Variants in SPCS1 observed in about 807,000 individuals in gnomAD.
The protein encoded by SPCS1 is signal peptidase complex subunit 1.
SPCS1 carries 10 observed loss-of-function variants against 16.4 expected under a neutral mutation model. The observed-to-expected ratio is 0.61, with a 90% confidence interval of 0.38 to 1.03. SPCS1 has a LOEUF of 1.03. Among genes scored for constraint, SPCS1 ranks in the 50% least tolerant of loss-of-function variants. SPCS1 has a pLI of 0.01. For missense variants in SPCS1, 118 were observed against 123.8 expected (o/e 0.95, Z 0.22); for synonymous variants, 47 against 42.5 (o/e 1.10, Z -0.41).
intron 1 of SPCS1, 153 bp from the exon 2 acceptor site, chr3:52,706,491 G>T (rs887289234): frequency 1.2e-6 from 1 of 857,226 alleles, no homozygotes; most frequent in South Asian, 1.7e-5. Context: ...AGTTCCTCCC[G>T]GGAAGCCCAG....
rs1166636961 is a variant in SPCS1 at position 52,711,087 on chromosome 3, A to G, written c.*3275A>G. The G allele has an allele frequency of 1.3e-5, 2 of 152,658 alleles. No individual in the cohort carries two copies. The highest frequency in any genetic ancestry group is 2.9e-5 in the Non-Finnish European group (2 of 68,040). 9.5% of individuals were successfully genotyped at this position (152,658 alleles called of 1,614,324 possible). On this transcript the variant is annotated 3_prime_UTR_variant, in exon 4 of 4. Transcript: ENST00000619898. ...AAATTTGTGTTTAAGAAATGTTTTCACTGATGGAAAAATAAATCTAACAAA... is the reference window on the plus strand; with the variant it reads ...AAATTTGTGTTTAAGAAATGTTTTCGCTGATGGAAAAATAAATCTAACAAA...
Position 52,708,040 on chromosome 3 carries a change from A to C in SPCS1, c.*228A>C, listed in dbSNP as rs2097346417. On this transcript the variant is annotated 3_prime_UTR_variant, in exon 4 of 4. Transcript: ENST00000619898. ...ATGGGGAACAGAACACACAAGTATG[A>C]AGTTTCTTTCAGGTGTAAATAATGA... 1.0e-5 allele frequency: 4 copies of C among 385,034 alleles called. No individual in the cohort carries two copies. In the Admixed American group the frequency reaches 1.6e-4, roughly 15 times the overall value. The allele number at this position is 385,034 out of a possible 1,614,324, so 23.9% of individuals were successfully genotyped here. A position where few individuals can be genotyped will look rare whatever the true frequency, so the allele number is the denominator to read the frequency against.
At chr3:52,706,396 C>G in intron 1 of SPCS1, 114 bp downstream of exon 1, 1 of 1,184,006 alleles carries the variant, frequency 8.4e-7, no homozygotes, top group Admixed American at 2.6e-5. Context: ...TGGTTACCGT[C>G]CACCCTCTTT....
At position 52,706,152 on chromosome 3, in the gene SPCS1, A is replaced by G. The variant is rs981415507; in HGVS notation, c.-95A>G. 6.5e-7 allele frequency: 1 copy of G among 1,543,018 alleles called. No individual in the cohort carries two copies. Among genetic ancestry groups the G allele is most frequent in the Non-Finnish European group, 8.7e-7 (1 of 1,147,992 alleles). On this transcript the variant is annotated 5_prime_UTR_variant, in exon 1 of 4. Transcript: ENST00000619898. Reference sequence around the variant, plus strand: ...TTAGAAGGCCCGGCTACTGACGCGCAGTGCCAGACCTTACCCCTCACGGTC... The same window carrying G: ...TTAGAAGGCCCGGCTACTGACGCGCGGTGCCAGACCTTACCCCTCACGGTC...
chr3:52,707,749 A>T lies in SPCS1; in HGVS notation c.246A>T (p.Glu82Asp). The change falls in exon 4 of 4, where the codon GAA becomes GAT. Residue 82 changes from glutamate (E) to aspartate (D), a missense_variant. Glu to Asp is a conservative substitution (Grantham distance 45, BLOSUM62 2). Transcript: ENST00000619898. ...RHPLKWLPVQ[E>D]SSTDDKKPGE... is the part of the protein sequence containing the mutation. Reference sequence around the variant, plus strand: ...CTCTCAAGTGGTTACCTGTTCAAGAATCAAGCACAGACGACAAGAAACCAG... The same window carrying T: ...CTCTCAAGTGGTTACCTGTTCAAGATTCAAGCACAGACGACAAGAAACCAG... 6.2e-7 allele frequency: 1 copy of T among 1,614,172 alleles called. No homozygotes were observed. Among genetic ancestry groups the T allele is most frequent in the Non-Finnish European group, 8.5e-7 (1 of 1,180,030 alleles).
At chr3:52,707,162 A>G in intron 3 of SPCS1, 1 of 283,176 alleles carries the variant, frequency 3.5e-6, no homozygotes, top group Non-Finnish European at 6.6e-6. Flanking sequence ...TTCACCTTTT[A>G]TTTATTTATT....
chr3:52,706,794 T>C lies in SPCS1; in HGVS notation c.98T>C (p.Ile33Thr). Residue 33 changes from isoleucine (I) to threonine (T), a missense_variant and splice_region_variant, in exon 3 of 4, where the codon ATA becomes ACA. By Grantham distance (89) the Ile-to-Thr change is moderately conservative. Transcript: ENST00000619898. The part of the protein sequence containing the change: ...MFQGIILFSA[I>T]VGFIYGYVAE... ...TTAATATACTTCATTTGTCTCTAGA[T>C]AGTTGGATTTATCTACGGGTACGTG... The C allele has an allele frequency of 6.2e-7, 1 of 1,613,476 alleles. No homozygotes were observed. The highest frequency in any genetic ancestry group is 8.5e-7 in the Non-Finnish European group (1 of 1,179,382).
rs993174691 is a variant in SPCS1, at chr3:52,710,201, A to G, written c.*2389A>G. The G allele has an allele frequency of 7.7e-6, 1 of 129,988 alleles. No homozygotes were observed. Among genetic ancestry groups the G allele is most frequent in the African/African-American group, 2.5e-5 (1 of 39,246 alleles). The allele number at this position is 129,988 out of a possible 1,614,324, so 8.1% of individuals were successfully genotyped here. A position where few individuals can be genotyped will look rare whatever the true frequency, so the allele number is the denominator to read the frequency against. ...CACGGTGAAACCCTGTCTCTACTAA[A>G]AAAATACAAAAAAATTAGCCGGGCA... is the stretch of plus-strand genomic sequence containing the variant. On this transcript the variant is annotated 3_prime_UTR_variant, in exon 4 of 4. Transcript: ENST00000619898.
chr3:52,708,353 T>TAATA lies in SPCS1; in HGVS notation c.*542_*545dup, dbSNP rs748576364. ...TTTGAGACATTTCATGGTATGTAATTAATAGTTGTCATTAGAACATTAGTT... is the reference window on the plus strand; with the variant it reads ...TTTGAGACATTTCATGGTATGTAATTAATAAATAGTTGTCATTAGAACATTAGTT... On this transcript the variant is annotated 3_prime_UTR_variant, in exon 4 of 4. Transcript: ENST00000619898. 6.5e-6 allele frequency: 1 copy of TAATA among 153,880 alleles called. No homozygotes were observed. The highest frequency in any genetic ancestry group is 1.4e-5 in the Non-Finnish European group (1 of 69,186). The allele number at this position is 153,880 out of a possible 1,614,324, so 9.5% of individuals were successfully genotyped here.
At position 52,710,384 on chromosome 3, in the gene SPCS1, T is replaced by C. The variant is rs2097349224; in HGVS notation, c.*2572T>C. Reference sequence around the variant, plus strand: ...TGTCTTAAAAAAAAAAAAAAATTGTTAAGTGGCTGTAAAGGGAACATTTCA... The same window carrying C: ...TGTCTTAAAAAAAAAAAAAAATTGTCAAGTGGCTGTAAAGGGAACATTTCA... On this transcript the variant is annotated 3_prime_UTR_variant, in exon 4 of 4. Transcript: ENST00000619898. 1 of 149,008 alleles carries C rather than the reference T, an allele frequency of 6.7e-6. No homozygotes were observed. Among genetic ancestry groups the C allele is most frequent in the Non-Finnish European group, 1.5e-5 (1 of 67,406 alleles). The allele number at this position is 149,008 out of a possible 1,614,324, so 9.2% of individuals were successfully genotyped here.
Position 52,706,164 on chromosome 3 carries a change from T to A in SPCS1, c.-83T>A. 1 of 1,545,574 alleles carries A rather than the reference T, an allele frequency of 6.5e-7. No individual in the cohort carries two copies. Among genetic ancestry groups the A allele is most frequent in the Non-Finnish European group, 8.7e-7 (1 of 1,149,508 alleles). ...GCTACTGACGCGCAGTGCCAGACCT[T>A]ACCCCTCACGGTCCTTAAGTCTCGG... On this transcript the variant is annotated 5_prime_UTR_variant, in exon 1 of 4. Transcript: ENST00000619898.
At chr3:52,706,762 A>C in intron 2 of SPCS1, 31 bp from the exon 3 acceptor site, 1 of 1,609,652 alleles carries the variant, frequency 6.2e-7, no homozygotes, top group South Asian at 1.1e-5. Flanking sequence ...CCTCAGTTTG[A>C]GTGTGTTTAA....
intron 1 of SPCS1, 107 bp downstream of exon 1, chr3:52,706,389 T>C: frequency 8.0e-7 from 1 of 1,245,406 alleles, no homozygotes; most frequent in Non-Finnish European, 1.1e-6. Flanking sequence ...GCCCGGATGG[T>C]TACCGTCCAC....
At position 52,706,805 on chromosome 3, in the gene SPCS1, A is replaced by G. The variant is rs2097345137; in HGVS notation, c.109A>G (p.Ile37Val). 5 of 1,614,074 alleles carry G rather than the reference A, an allele frequency of 3.1e-6. No individual in the cohort carries two copies. Among genetic ancestry groups the G allele is most frequent in the Non-Finnish European group, 4.2e-6 (5 of 1,179,928 alleles). The change falls in exon 3 of 4, where the codon ATC becomes GTC. Residue 37 changes from isoleucine (I) to valine (V), a missense_variant. By Grantham distance (29) the Ile-to-Val change is conservative. Coordinates refer to ENST00000619898, the MANE Select transcript of SPCS1 (RefSeq NM_014041.5). Reference sequence around the variant, plus strand: ...CATTTGTCTCTAGATAGTTGGATTTATCTACGGGTACGTGGCTGAACAGTT... The same window carrying G: ...CATTTGTCTCTAGATAGTTGGATTTGTCTACGGGTACGTGGCTGAACAGTT... ...IILFSAIVGF[I>V]YGYVAEQFGW... is the part of the protein sequence containing the mutation.
At position 52,709,299 on chromosome 3, in the gene SPCS1, T is replaced by C. The variant is rs1429543532; in HGVS notation, c.*1487T>C. 1 of 152,074 alleles carries C rather than the reference T, an allele frequency of 6.6e-6. No individual in the cohort carries two copies. Among genetic ancestry groups the C allele is most frequent in the Non-Finnish European group, 1.5e-5 (1 of 68,018 alleles). The allele number at this position is 152,074 out of a possible 1,614,324, so 9.4% of individuals were successfully genotyped here. On this transcript the variant is annotated 3_prime_UTR_variant, in exon 4 of 4. Coordinates refer to ENST00000619898, the MANE Select transcript of SPCS1 (RefSeq NM_014041.5). ...GGAAGAAAATTCACAGTCTTAAAGA[T>C]GAGTTTTTAAATTAATTTAGGAAGA...
In SPCS1 at chr3:52,706,111, C is replaced by T. The variant is rs2097344377; in HGVS notation, c.-136C>T. The T allele has an allele frequency of 1.9e-6, 3 of 1,539,258 alleles. No individual in the cohort carries two copies. Among genetic ancestry groups the T allele is most frequent in the East Asian group, 2.4e-5 (1 of 40,896 alleles). ...AGACTTCCGCTTCCGGGGCCGCCGCCATCGCTCTCCCGGGCTTAGAAGGCC... is the reference window on the plus strand; with the variant it reads ...AGACTTCCGCTTCCGGGGCCGCCGCTATCGCTCTCCCGGGCTTAGAAGGCC... On this transcript the variant is annotated 5_prime_UTR_variant, in exon 1 of 4. Transcript: ENST00000619898.
intron 1 of SPCS1, 127 bp downstream of exon 1, chr3:52,706,409 C>A: frequency 9.5e-7 from 1 of 1,057,098 alleles, no homozygotes; most frequent in Non-Finnish European, 1.3e-6. Flanking sequence ...CCCTCTTTCC[C>A]GAATTGCCTC....
chr3:52,710,978 G>C lies in SPCS1; in HGVS notation c.*3166G>C, dbSNP rs772913142. On this transcript the variant is annotated 3_prime_UTR_variant, in exon 4 of 4. Transcript: ENST00000619898. ...CAACTAATATCTTACAGTACATGAA[G>C]ACAAACTTCAGGAGACAAACATTAA... is the stretch of plus-strand genomic sequence containing the variant. 1.3e-5 allele frequency: 2 copies of C among 152,512 alleles called. No individual in the cohort carries two copies. Among genetic ancestry groups the C allele is most frequent in the Non-Finnish European group, 2.9e-5 (2 of 68,010 alleles). 9.4% of individuals were successfully genotyped at this position (152,512 alleles called of 1,614,324 possible).
rs973951258 is a variant in SPCS1, at chr3:52,707,671, C to T, written c.184-16C>T. 5.0e-6 allele frequency: 8 copies of T among 1,607,728 alleles called. No homozygotes were observed. The highest frequency in any genetic ancestry group is 6.8e-6 in the Non-Finnish European group (8 of 1,177,574). ...TTAATAGCTATAATTTATGCATTTC[C>T]TCTTTTCTGGCCCAGCTGACACTTC... On this transcript the variant is annotated splice_polypyrimidine_tract_variant and intron_variant, in intron 3 of 3. Coordinates refer to ENST00000619898, the MANE Select transcript of SPCS1 (RefSeq NM_014041.5).
Sources: allele counts gnomAD v4.1 joint callset, GRCh38; gene constraint gnomAD v4.1.1; transcripts MANE v1.5; gene names NCBI Gene and HGNC (gene_info 2026-07-23, HGNC 2026-07-21).